TSEN2: variants seen among roughly 807,000 people sequenced by gnomAD.
TSEN2 encodes the protein tRNA-splicing endonuclease subunit Sen2.
In TSEN2, 54 loss-of-function variants were observed where a neutral mutation model predicts 59.2. That is an observed-to-expected ratio of 0.91 (90% CI 0.73 to 1.14). TSEN2 has a LOEUF of 1.14. Among genes scored for constraint, TSEN2 ranks in the 50% most tolerant of loss-of-function variants. The pLI is 0.00. For missense variants in TSEN2, 636 were observed against 576.2 expected (o/e 1.10, Z -1.06); for synonymous variants, 195 against 198.2 (o/e 0.98, Z 0.14).
intron 6 of TSEN2, among the ~76,000 whole-genome samples, chr3:12,511,793 C>G (rs543509691): frequency 8.0e-4 from 122 of 152,194 alleles, no homozygotes; most frequent in African/African-American, 2.8e-3. Flanking sequence ...TTTCAAACTC[C>G]TAGGCTCAAG....
intron 1 of TSEN2, among the ~76,000 whole-genome samples, chr3:12,487,117 C>T (rs1434700308): frequency 3.9e-5 from 6 of 152,182 alleles, no homozygotes; most frequent in Non-Finnish European, 7.3e-5. Flanking sequence ...TGCCAGACTC[C>T]TCCAGTCCTG....
intron 4 of TSEN2, among the ~76,000 whole-genome samples, chr3:12,496,855 A>G (rs368434011): frequency 5.8e-4 from 89 of 152,326 alleles, no homozygotes; most frequent in African/African-American, 1.9e-3. Flanking sequence ...TAGATTTTGA[A>G]CCAGCCTTCT....
chr3:12,529,192 T>C (rs895051375), intron 9 of TSEN2, among the ~76,000 whole-genome samples: 16 of 152,166 alleles, frequency 1.1e-4, no homozygotes, highest in African/African-American at 3.9e-4. Flanking sequence ...TTAGGCCAGG[T>C]GCGGTGGCTC....
Position 12,504,308 on chromosome 3 carries a change from G to A in TSEN2, c.831+524G>A, listed in dbSNP as rs182563297. Among the ~76,000 whole-genome samples, 54 of 152,322 alleles carry A rather than the reference G, an allele frequency of 3.5e-4. 1 individual carries two copies. The highest frequency in any genetic ancestry group is 1.2e-3 in the African/African-American group (49 of 41,572). ...CATATTAAGAACATAGGAGCCAGGT[G>A]CAGTGGCTCACACCTGTAATCCCAG... On this transcript the variant is annotated intron_variant, in intron 5 of 11. Transcript: ENST00000284995.
At chr3:12,510,598 G>T (rs569737187) in intron 6 of TSEN2, among the ~76,000 whole-genome samples, 7 of 152,122 alleles carry the variant, frequency 4.6e-5, no homozygotes, top group East Asian at 3.8e-4. Flanking sequence ...TCTCGTTTAC[G>T]CATCGTCTTG....
At chr3:12,508,467 G>A (rs888890318) in intron 6 of TSEN2, among the ~76,000 whole-genome samples, 1 of 152,136 alleles carries the variant, frequency 6.6e-6, no homozygotes, top group Non-Finnish European at 1.5e-5. Context: ...GCATGTACCC[G>A]CGGAGTGTTT....
At chr3:12,528,352 G>A (rs1342729037) in intron 8 of TSEN2, among the ~76,000 whole-genome samples, 1 of 152,196 alleles carries the variant, frequency 6.6e-6, no homozygotes, top group Non-Finnish European at 1.5e-5. Flanking sequence ...GTGAAACGAG[G>A]TGTTAGGGTC....
At chr3:12,495,903 C>A (rs2053700052) in intron 3 of TSEN2, among the ~76,000 whole-genome samples, 2 of 152,206 alleles carry the variant, frequency 1.3e-5, no homozygotes. Context: ...GCCTGGGGTA[C>A]AGGCAAGTTA....
Position 12,489,991 on chromosome 3 carries a change from T to A in TSEN2, c.189+2T>A. 6.2e-7 allele frequency: 1 copy of A among 1,614,056 alleles called. No homozygotes were observed. The highest frequency in any genetic ancestry group is 8.5e-7 in the Non-Finnish European group (1 of 1,179,926). ...GACATTGAGCAGCTCTATGGGAAAG[T>A]AAGTGCAGGCAGCCTTGGTAAGATT... On this transcript the variant is annotated splice_donor_variant, in intron 2 of 11. Coordinates refer to ENST00000284995, the MANE Select transcript of TSEN2 (RefSeq NM_025265.4). LOFTEE classifies it high-confidence loss of function.
intron 6 of TSEN2, among the ~76,000 whole-genome samples, chr3:12,515,916 T>C (rs1454253877): frequency 6.6e-6 from 1 of 152,156 alleles, no homozygotes; most frequent in Admixed American, 6.5e-5. Context: ...AATATGGTTA[T>C]TTAATTTTAC....
intron 9 of TSEN2, among the ~76,000 whole-genome samples, chr3:12,529,352 A>C (rs541829797): frequency 6.6e-6 from 1 of 152,096 alleles, no homozygotes; most frequent in Non-Finnish European, 1.5e-5. Flanking sequence ...CTGTAATCTC[A>C]GCTACTCAGG....
At chr3:12,537,776 A>G (rs1223942985), downstream of TSEN2, among the ~76,000 whole-genome samples, 1 of 152,166 alleles carries the variant, frequency 6.6e-6, no homozygotes, top group Non-Finnish European at 1.5e-5. Flanking sequence ...AAAGAAGCAT[A>G]ATGTTAAGAC....
rs1184862449 is a variant in TSEN2, at chr3:12,505,758, T to C, written c.909+527T>C. 1.1e-4 allele frequency among the ~76,000 whole-genome samples: 14 copies of C among 125,134 alleles called. No homozygotes were observed. In the South Asian group the frequency reaches 3.2e-3, roughly 28 times the overall value. 82.1% of individuals were successfully genotyped at this position (125,134 alleles called of 152,430 possible). A position where few individuals can be genotyped will look rare whatever the true frequency, so the allele number is the denominator to read the frequency against. ...AAGATCGTGCCATTGCACTCCAGCC[T>C]GGGTGACAGAATGAAACTCTGTCTC... On this transcript the variant is annotated intron_variant, in intron 6 of 11. Transcript: ENST00000284995.
At chr3:12,483,243 G>A (rs781117771), upstream of TSEN2, among the ~76,000 whole-genome samples, 4 of 152,226 alleles carry the variant, frequency 2.6e-5, no homozygotes, top group Non-Finnish European at 2.9e-5. Flanking sequence ...GGGCGTGGTG[G>A]CAGGCGCCTG....
intron 6 of TSEN2, among the ~76,000 whole-genome samples, chr3:12,509,114 T>A (rs2055148741): frequency 6.6e-6 from 1 of 152,194 alleles, no homozygotes; most frequent in Non-Finnish European, 1.5e-5. Flanking sequence ...TAAATGAAAG[T>A]TGATTTCACT....
At chr3:12,517,665 C>T (rs556663392) in intron 7 of TSEN2, among the ~76,000 whole-genome samples, 2 of 152,232 alleles carry the variant, frequency 1.3e-5, no homozygotes, top group South Asian at 2.1e-4. Context: ...GCATAAATAC[C>T]GTTCATGGGT....
rs1194999747 is a variant in TSEN2, at chr3:12,503,469, G to A, written c.516G>A (p.Val172=). The A allele has an allele frequency of 1.2e-6, 2 of 1,614,204 alleles. No homozygotes were observed. Among genetic ancestry groups the A allele is most frequent in the Non-Finnish European group, 1.7e-6 (2 of 1,180,038 alleles). The part of the protein sequence containing the change: ...EGTAGGERPS[V]VNGDSGKSGG... ...CAGCAGGGGGAGAGAGACCTTCTGT[G>A]GTAAACGGGGACTCTGGAAAGTCAG... Residue 172 remains valine (V), a synonymous_variant, in exon 5 of 12, where the codon GTG becomes GTA. Transcript: ENST00000284995.
chr3:12,496,619 C>A, intron 4 of TSEN2, 65 bp downstream of exon 4: 1 of 1,550,502 alleles, frequency 6.4e-7, no homozygotes, highest in South Asian at 1.1e-5. Flanking sequence ...TTTAGGTAGT[C>A]TTGTCCCATG....
Position 12,528,909 on chromosome 3 carries a change from C to T in TSEN2, c.1121C>T (p.Pro374Leu). The change falls in exon 9 of 12, where the codon CCA becomes CTA. Residue 374 changes from proline (P) to leucine (L), a missense_variant. Pro to Leu is a moderately conservative substitution (Grantham distance 98). Coordinates refer to ENST00000284995, the MANE Select transcript of TSEN2 (RefSeq NM_025265.4). ...TDLLLYRKGPPFYHASYSVII... is the reference protein window; with the variant it reads ...TDLLLYRKGPLFYHASYSVII... ...GCAGTGCTATATCGGAAAGGCCCTC[C>T]ATTTTACCATGCAAGGTTCGGAGTG... The T allele has an allele frequency of 1.9e-6, 3 of 1,613,994 alleles. No individual in the cohort carries two copies. The East Asian group carries it at 6.7e-5, about 36-fold the overall frequency.
Sources: allele counts gnomAD v4.1 joint callset (sites outside exome capture counted in the v4.1 genomes callset), GRCh38; gene constraint gnomAD v4.1.1; transcripts MANE v1.5; gene names NCBI Gene and HGNC (gene_info 2026-07-23, HGNC 2026-07-21).